The following FXR1 variants were observed in gnomAD, a reference collection of about 807,000 sequenced individuals.
FXR1 encodes the protein FMR1 autosomal homolog 1, also known as RNA-binding protein FXR1.
A neutral mutation model predicts 84.0 loss-of-function variants in FXR1; 15 were observed. The ratio of observed to expected loss-of-function variants is 0.18; its 90% confidence interval spans 0.12 to 0.27. The LOEUF (loss-of-function observed/expected upper bound fraction) is 0.27, where lower values mean the gene tolerates loss of function less well. Ranked by LOEUF, FXR1 falls within the 10% of genes least tolerant of loss-of-function variation. The pLI, the probability that FXR1 is intolerant of heterozygous loss-of-function variation, is 1.00. For missense variants in FXR1, 480 were observed against 774.4 expected (o/e 0.62, Z 4.51); for synonymous variants, 245 against 250.7 (o/e 0.98, Z 0.21).
chr3:180,948,046 G>T, intron 4 of FXR1, 110 bp downstream of exon 4: 1 of 679,058 alleles, frequency 1.5e-6, no homozygotes, highest in South Asian at 2.0e-5. Context: ...AAGCCTACCT[G>T]AGAAATAGTT....
intron 3 of FXR1, among the ~76,000 whole-genome samples, chr3:180,938,238 A>G (rs779110963): frequency 3.3e-5 from 5 of 152,222 alleles, no homozygotes; most frequent in African/African-American, 9.6e-5. Context: ...TGTTTTTAAA[A>G]GTATTAAAAT....
chr3:180,965,958 T>C (rs1047390358), intron 13 of FXR1, among the ~76,000 whole-genome samples: 2 of 152,176 alleles, frequency 1.3e-5, no homozygotes, highest in African/African-American at 4.8e-5. Flanking sequence ...TTTCTAAGGA[T>C]ACTTCAATAT....
chr3:180,961,870 T>C lies in FXR1; in HGVS notation c.1077+316T>C, dbSNP rs1805619. Among the ~76,000 whole-genome samples, 7 of 152,350 alleles carry C rather than the reference T, an allele frequency of 4.6e-5. 1 individual carries two copies. Among genetic ancestry groups the C allele is most frequent in the Admixed American group, 2.6e-4 (4 of 15,302 alleles). On this transcript the variant is annotated intron_variant, in intron 11 of 16. Coordinates refer to ENST00000357559, the MANE Select transcript of FXR1 (RefSeq NM_005087.4). ...TGCAATTTGACTCTCAGATCACTTA[T>C]GTATCTGCATGTTCATACTGGAGCC...
intron 10 of FXR1, among the ~76,000 whole-genome samples, chr3:180,959,584 G>C (rs1295837559): frequency 6.6e-6 from 1 of 152,120 alleles, no homozygotes; most frequent in Admixed American, 6.5e-5. Flanking sequence ...TACATGAAAT[G>C]AATAATCCAG....
chr3:180,953,749 C>T lies in FXR1; in HGVS notation c.802-13C>T, dbSNP rs373824306. 197 of 1,359,362 alleles carry T rather than the reference C, an allele frequency of 1.4e-4. No homozygotes were observed. The African/African-American group carries it at 2.6e-3, about 18-fold the overall frequency. The allele number at this position is 1,359,362 out of a possible 1,614,324, so 84.2% of individuals were successfully genotyped here. On this transcript the variant is annotated splice_polypyrimidine_tract_variant and intron_variant, in intron 8 of 16. Transcript: ENST00000357559. ...AAACAGGATTTCATTTTTACTTTTC[C>T]CCTCATCTACAGAGTGCTGATGCTG...
At chr3:180,956,573 A>G (rs1233147414) in intron 9 of FXR1, among the ~76,000 whole-genome samples, 1 of 152,154 alleles carries the variant, frequency 6.6e-6, no homozygotes, top group Non-Finnish European at 1.5e-5. Flanking sequence ...GCTTACTTTT[A>G]GCAGGGTCAA....
chr3:180,966,686 G>A (rs1712874395), intron 13 of FXR1, among the ~76,000 whole-genome samples: 1 of 152,072 alleles, frequency 6.6e-6, no homozygotes, highest in African/African-American at 2.4e-5. Flanking sequence ...AATTCCACAG[G>A]GGGAAAAAAT....
intron 1 of FXR1, among the ~76,000 whole-genome samples, chr3:180,925,163 C>G (rs1719020388): frequency 6.6e-6 from 1 of 151,926 alleles, no homozygotes; most frequent in Non-Finnish European, 1.5e-5. Flanking sequence ...GAGTTCGAGA[C>G]CAGCCTGGCT....
intron 1 of FXR1, among the ~76,000 whole-genome samples, chr3:180,921,902 T>G (rs998493777): frequency 6.6e-6 from 1 of 152,214 alleles, no homozygotes; most frequent in Non-Finnish European, 1.5e-5. Context: ...AACCTTTGTT[T>G]GTAGCACATA....
intron 3 of FXR1, among the ~76,000 whole-genome samples, chr3:180,946,245 C>G (rs1721684355): frequency 6.6e-6 from 1 of 152,202 alleles, no homozygotes; most frequent in Admixed American, 6.5e-5. Context: ...CAGTTTATTT[C>G]ACTGTTGTAT....
chr3:180,963,188 C>T (rs1042892896), intron 13 of FXR1, 98 bp downstream of exon 13: 4 of 617,612 alleles, frequency 6.5e-6, no homozygotes, highest in Non-Finnish European at 1.1e-5. Flanking sequence ...GTTCATTACT[C>T]TGTCTTGGCT....
chr3:180,981,193 T>TA lies in FXR1; in HGVS notation c.*4904dup, dbSNP rs902057154. The TA allele has an allele frequency of 1.3e-5, 2 of 151,964 alleles. No homozygotes were observed. Among genetic ancestry groups the TA allele is most frequent in the Non-Finnish European group, 2.9e-5 (2 of 67,936 alleles). 9.4% of individuals were successfully genotyped at this position (151,964 alleles called of 1,614,324 possible). A position where few individuals can be genotyped will look rare whatever the true frequency, so the allele number is the denominator to read the frequency against. On this transcript the variant is annotated 3_prime_UTR_variant, in exon 17 of 17. Coordinates refer to ENST00000357559, the MANE Select transcript of FXR1 (RefSeq NM_005087.4). ...CTAACCTAAAACCCCTCTAACCCTT[T>TA]AAATGAAGCATTATGCCTGCGTGAA...
At chr3:180,949,416 T>A (rs1721994952) in intron 7 of FXR1, 73 bp downstream of exon 7, 2 of 808,662 alleles carry the variant, frequency 2.5e-6, no homozygotes, top group Non-Finnish European at 4.4e-6. Context: ...AGACAGATTC[T>A]GGCTCTGTTG....
intron 3 of FXR1, among the ~76,000 whole-genome samples, chr3:180,940,653 C>T (rs563482247): frequency 8.6e-5 from 13 of 150,916 alleles, no homozygotes; most frequent in African/African-American, 2.5e-4. Flanking sequence ...CTCGGCTCAG[C>T]GCAACCTCCG....
intron 16 of FXR1, 35 bp from the exon 17 acceptor site, chr3:180,976,087 A>G: frequency 1.3e-6 from 2 of 1,547,346 alleles, no homozygotes; most frequent in Non-Finnish European, 1.8e-6. Context: ...GATTTCATTT[A>G]TAAAGAAGTT....
At position 180,979,926 on chromosome 3, in the gene FXR1, CTA is replaced by C. The variant is rs1398656948; in HGVS notation, c.*3638_*3639del. ...GTACACAAAAATTCCCCTGGAAAAA[CTA>C]TATTCTAGTTTTGTAAGATGATTTC... On this transcript the variant is annotated 3_prime_UTR_variant, in exon 17 of 17. Transcript: ENST00000357559. 1.3e-5 allele frequency: 2 copies of C among 152,030 alleles called. No homozygotes were observed. The highest frequency in any genetic ancestry group is 2.9e-5 in the Non-Finnish European group (2 of 67,930). 9.4% of individuals were successfully genotyped at this position (152,030 alleles called of 1,614,324 possible). A position where few individuals can be genotyped will look rare whatever the true frequency, so the allele number is the denominator to read the frequency against.
rs1714576742 is a variant in FXR1 at position 180,980,863 on chromosome 3, C to T, written c.*4571C>T. 6.6e-6 allele frequency: 1 copy of T among 151,996 alleles called. No homozygotes were observed. Among genetic ancestry groups the T allele is most frequent in the Admixed American group, 6.6e-5 (1 of 15,246 alleles). 9.4% of individuals were successfully genotyped at this position (151,996 alleles called of 1,614,324 possible). ...CTTAGGTCATTCAAGTTAACTGGTA[C>T]TCAAGGTTACTCATTCCAGGATACT... On this transcript the variant is annotated 3_prime_UTR_variant, in exon 17 of 17. Transcript: ENST00000357559.
intron 1 of FXR1, among the ~76,000 whole-genome samples, chr3:180,932,611 C>T (rs964371093): frequency 6.6e-6 from 1 of 152,068 alleles, no homozygotes; most frequent in East Asian, 1.9e-4. Context: ...AATTTTAAGG[C>T]TGAAAAATGA....
chr3:180,949,678 C>A (rs1467592585), intron 7 of FXR1, among the ~76,000 whole-genome samples: 2 of 152,248 alleles, frequency 1.3e-5, no homozygotes, highest in South Asian at 4.1e-4. Flanking sequence ...GCCACCGAAC[C>A]TGGCCCCCAT....
Sources: allele counts gnomAD v4.1 joint callset (sites outside exome capture counted in the v4.1 genomes callset), GRCh38; gene constraint gnomAD v4.1.1; transcripts MANE v1.5; gene names NCBI Gene and HGNC (gene_info 2026-07-23, HGNC 2026-07-21).